Variants in KANK1 observed in about 807,000 individuals in gnomAD.
KANK1 encodes KN motif and ankyrin repeat domains 1.
A neutral mutation model predicts 106.2 loss-of-function variants in KANK1; 109 were observed. That is an observed-to-expected ratio of 1.03 (90% CI 0.88 to 1.20). The LOEUF is 1.20. Ranked by LOEUF, KANK1 falls within the 50% of genes most tolerant of loss-of-function variation. The pLI is 0.00. For missense variants in KANK1, 2,399 were observed against 1,710.7 expected, an observed-to-expected ratio of 1.40 and a Z score of -7.10; for synonymous variants, 873 against 652.2, an observed-to-expected ratio of 1.34 and a Z score of -5.16.
At chr9:623,623 GAAAA>G (rs1415590469) in intron 1 of KANK1, among the ~76,000 whole-genome samples, 1 of 140,660 alleles carries the variant, frequency 7.1e-6, no homozygotes. Flanking sequence ...AAAAGAAAAA[GAAAA>G]AAAAAAGAAA....
intron 2 of KANK1, among the ~76,000 whole-genome samples, chr9:709,166 C>T (rs1825193738): frequency 6.6e-6 from 1 of 152,212 alleles, no homozygotes; most frequent in African/African-American, 2.4e-5. Context: ...ACGGAGAAAA[C>T]TCTTCCTACA....
chr9:711,670 G>C lies in KANK1; in HGVS notation c.904G>C (p.Val302Leu). The change falls in exon 3 of 12, where the codon GTC becomes CTC. Residue 302 changes from valine to leucine, a missense_variant. By Grantham distance (32) the Val-to-Leu change is conservative (BLOSUM62 1). Transcript: ENST00000382297. ...CTTGCAAGAAGAGAAAAGGCAGTTG[G>C]TCTCACAGCTGAAAAACCAAAGGGC... ...SVLQEEKRQL[V>L]SQLKNQRAAS... 1 of 1,614,230 alleles carries C rather than the reference G, an allele frequency of 6.2e-7. No individual in the cohort carries two copies. Among genetic ancestry groups the C allele is most frequent in the Non-Finnish European group, 8.5e-7 (1 of 1,180,046 alleles).
At chr9:596,356 G>T (rs1189390267) in intron 1 of KANK1, among the ~76,000 whole-genome samples, 1 of 151,900 alleles carries the variant, frequency 6.6e-6, no homozygotes, top group Admixed American at 6.5e-5. Flanking sequence ...GTAAGGGAGG[G>T]TGTAGAACTT....
intron 2 of KANK1, among the ~76,000 whole-genome samples, chr9:696,457 G>A (rs930691914): frequency 2.0e-5 from 3 of 152,170 alleles, no homozygotes; most frequent in Non-Finnish European, 4.4e-5. Context: ...AGCAGTTGAG[G>A]GTAAGTAGGG....
At chr9:566,091 C>T (rs566718689) in intron 1 of KANK1, among the ~76,000 whole-genome samples, 4 of 152,166 alleles carry the variant, frequency 2.6e-5, no homozygotes, top group Non-Finnish European at 5.9e-5. Context: ...CATTTAGCTC[C>T]CATTTATAAG....
chr9:532,502 C>G (rs2060111143), intron 1 of KANK1, among the ~76,000 whole-genome samples: 1 of 150,390 alleles, frequency 6.6e-6, no homozygotes, highest in African/African-American at 2.4e-5. Context: ...TAAATAGAAA[C>G]TCTGCACCCA....
chr9:579,937 C>A (rs892162345), intron 1 of KANK1, among the ~76,000 whole-genome samples: 2 of 152,140 alleles, frequency 1.3e-5, no homozygotes, highest in South Asian at 2.1e-4. Flanking sequence ...GGCTTCATGA[C>A]TGTCAGCATC....
intron 8 of KANK1, among the ~76,000 whole-genome samples, chr9:739,178 A>G (rs375044034): frequency 5.6e-4 from 86 of 152,344 alleles, no homozygotes; most frequent in African/African-American, 2.0e-3. Context: ...TACCCTCAAG[A>G]AACTGTGAGC....
intron 1 of KANK1, among the ~76,000 whole-genome samples, chr9:669,709 T>G (rs59230762): frequency 0.18 from 26,804 of 152,062 alleles, 3,260 homozygotes; most frequent in East Asian, 0.33. Flanking sequence ...GGGTGTAGTT[T>G]TATTTGGGTC....
At chr9:731,997 A>G (rs1832415940) in intron 5 of KANK1, 1 of 170,734 alleles carries the variant, frequency 5.9e-6, no homozygotes, top group Non-Finnish European at 1.3e-5. Context: ...TGCCTATGTA[A>G]TCTATTCCCC....
chr9:623,126 C>T (rs1017944702), intron 1 of KANK1, among the ~76,000 whole-genome samples: 1 of 151,962 alleles, frequency 6.6e-6, no homozygotes, highest in African/African-American at 2.4e-5. Flanking sequence ...AGGTAACATA[C>T]AGGCTGGGAG....
intron 1 of KANK1, among the ~76,000 whole-genome samples, chr9:544,908 T>G (rs999977085): frequency 6.6e-6 from 1 of 152,078 alleles, no homozygotes; most frequent in Non-Finnish European, 1.5e-5. Context: ...TGGCAAGTTT[T>G]AAGTTGGTAG....
Position 537,227 on chromosome 9 carries a change from G to C in KANK1, c.-84+32473G>C, listed in dbSNP as rs557706008. ...TTGATGCTTGCACCTCTGCTCTTGC[G>C]TGGGAAAATTGGACCCCTCTGTGAC... On this transcript the variant is annotated intron_variant, in intron 1 of 11. Transcript: ENST00000382297. Among the ~76,000 whole-genome samples the C allele has an allele frequency of 2.0e-5, 3 of 152,116 alleles. No individual in the cohort carries two copies. The South Asian group carries it at 6.2e-4, about 32-fold the overall frequency.
chr9:547,577 T>C (rs1199596957), intron 1 of KANK1, among the ~76,000 whole-genome samples: 1 of 151,596 alleles, frequency 6.6e-6, no homozygotes, highest in East Asian at 1.9e-4. Flanking sequence ...TAGGCAAGCC[T>C]TGGTTGTGGG....
At chr9:582,747 C>T (rs1184623950) in intron 1 of KANK1, among the ~76,000 whole-genome samples, 2 of 152,148 alleles carry the variant, frequency 1.3e-5, no homozygotes, top group African/African-American at 2.4e-5. Context: ...ATTACAGAGG[C>T]TCTGTGAATG....
intron 1 of KANK1, among the ~76,000 whole-genome samples, chr9:633,401 T>G (rs1033264998): frequency 6.6e-6 from 1 of 152,116 alleles, no homozygotes; most frequent in South Asian, 2.1e-4. Context: ...GAGGTTGCAG[T>G]GAGCCGTGAT....
intron 1 of KANK1, among the ~76,000 whole-genome samples, chr9:544,094 C>T (rs938341781): frequency 6.6e-6 from 1 of 152,002 alleles, no homozygotes; most frequent in African/African-American, 2.4e-5. Flanking sequence ...GACCATGGCT[C>T]ACTGCAACCT....
At chr9:714,122 C>G (rs1421354078) in intron 3 of KANK1, among the ~76,000 whole-genome samples, 1 of 152,070 alleles carries the variant, frequency 6.6e-6, no homozygotes, top group Admixed American at 6.6e-5. Flanking sequence ...CCTACTCTGT[C>G]TCAAGCTATA....
rs144751198 is a variant in KANK1, at chr9:515,776, C to T, written c.-84+11022C>T. Among the ~76,000 whole-genome samples, 709 of 151,796 alleles carry T rather than the reference C, an allele frequency of 4.7e-3. 27 individuals are homozygous for T. Among genetic ancestry groups the T allele is most frequent in the African/African-American group, 0.016 (641 of 41,116 alleles). On this transcript the variant is annotated intron_variant, in intron 1 of 11. Coordinates refer to ENST00000382297, the MANE Select transcript of KANK1 (RefSeq NM_015158.5). ...GGGTTTTAAAAAGGGGAATTGTTAACGTAGGGATAAGCTATATATTGTGAG... is the reference window on the plus strand; with the variant it reads ...GGGTTTTAAAAAGGGGAATTGTTAATGTAGGGATAAGCTATATATTGTGAG...
Sources: gnomAD v4.1 joint callset for allele counts (sites outside exome capture counted in the v4.1 genomes callset) on GRCh38, gnomAD v4.1.1 for gene constraint, MANE v1.5 for transcripts, NCBI Gene and HGNC (gene_info 2026-07-23, HGNC 2026-07-21) for gene names.